The following CNTN5 variants were observed in gnomAD, a reference collection of about 807,000 sequenced individuals.
The protein encoded by CNTN5 is contactin 5.
Under a neutral mutation model 129.1 loss-of-function variants are expected in CNTN5, and 77 were observed. The observed-to-expected ratio is 0.60, with a 90% CI of 0.50 to 0.72. CNTN5 has a LOEUF of 0.72. Among genes scored for constraint, CNTN5 ranks in the 30% least tolerant of loss-of-function variants. The pLI, the probability that CNTN5 is intolerant of heterozygous loss-of-function variation, is 0.00. For synonymous variants in CNTN5, 509 were observed against 465.6 expected, an observed-to-expected ratio of 1.09 and a Z score of -1.20; for missense variants, 1,478 against 1,328.8, an observed-to-expected ratio of 1.11 and a Z score of -1.75.
chr11:99,177,211 C>T (rs773913262), intron 1 of CNTN5, among the ~76,000 whole-genome samples: 48 of 152,180 alleles, frequency 3.2e-4, no homozygotes, highest in Non-Finnish European at 6.3e-4. Context: ...ATCTTCACTA[C>T]TCAATACTTC....
rs1166515566 is a variant in CNTN5 at position 100,358,372 on chromosome 11, G to C, written c.*2152G>C. 6.6e-6 allele frequency: 1 copy of C among 151,826 alleles called. No homozygotes were observed. Among genetic ancestry groups the C allele is most frequent in the Non-Finnish European group, 1.5e-5 (1 of 67,826 alleles). 9.4% of individuals were successfully genotyped at this position (151,826 alleles called of 1,614,324 possible). ...ATCTGACAGAGTATTTACACATATA[G>C]AATGTCTGATGTATTCTTACAGGAA... On this transcript the variant is annotated 3_prime_UTR_variant, in exon 25 of 25. Coordinates refer to ENST00000524871, the MANE Select transcript of CNTN5 (RefSeq NM_014361.4).
chr11:99,871,716 TAAA>T (rs987832086), intron 6 of CNTN5, among the ~76,000 whole-genome samples: 45 of 152,160 alleles, frequency 3.0e-4, no homozygotes, highest in African/African-American at 9.9e-4. Flanking sequence ...CCACAAATTT[TAAA>T]AAAGCTGGAA....
intron 21 of CNTN5, among the ~76,000 whole-genome samples, chr11:100,317,372 G>A (rs1951591498): frequency 6.6e-6 from 1 of 152,150 alleles, no homozygotes; most frequent in Admixed American, 6.5e-5. Flanking sequence ...TTACCAGAAA[G>A]CTAACAAAGG....
intron 1 of CNTN5, among the ~76,000 whole-genome samples, chr11:99,265,686 A>G (rs766910746): frequency 8.5e-5 from 13 of 152,090 alleles, no homozygotes; most frequent in Middle Eastern, 3.4e-3. Flanking sequence ...CACCCAACTC[A>G]TATTTATATT....
chr11:100,037,922 C>T (rs975337872), intron 9 of CNTN5, among the ~76,000 whole-genome samples: 7 of 151,976 alleles, frequency 4.6e-5, no homozygotes, highest in African/African-American at 1.7e-4. Context: ...AAAACCAGCT[C>T]CTGGATTCAT....
intron 6 of CNTN5, among the ~76,000 whole-genome samples, chr11:99,863,375 A>T (rs1391556580): frequency 6.6e-6 from 1 of 152,130 alleles, no homozygotes; most frequent in African/African-American, 2.4e-5. Context: ...AGTCACGTCA[A>T]ATTCAGCTAA....
chr11:99,313,644 A>AAGGAATAT (rs1394670365), intron 1 of CNTN5, among the ~76,000 whole-genome samples: 1 of 152,094 alleles, frequency 6.6e-6, no homozygotes, highest in Non-Finnish European at 1.5e-5. Context: ...TGTACATTTC[A>AAGGAATAT]AGGAATATTT....
intron 1 of CNTN5, among the ~76,000 whole-genome samples, chr11:99,296,755 G>T (rs1344881173): frequency 6.6e-6 from 1 of 152,060 alleles, no homozygotes; most frequent in Admixed American, 6.5e-5. Context: ...TAATTAAGCT[G>T]GTTTTTAACC....
intron 13 of CNTN5, among the ~76,000 whole-genome samples, chr11:100,164,381 A>G (rs1474749528): frequency 6.6e-6 from 1 of 151,788 alleles, no homozygotes; most frequent in Non-Finnish European, 1.5e-5. Flanking sequence ...TTAAAATACA[A>G]TCTTATTAAA....
chr11:99,284,898 G>A (rs1591469346), intron 1 of CNTN5, among the ~76,000 whole-genome samples: 3 of 152,162 alleles, frequency 2.0e-5, no homozygotes, highest in Admixed American at 2.0e-4. Context: ...TGGAATTGAA[G>A]ATGACCTTCT....
intron 3 of CNTN5, among the ~76,000 whole-genome samples, chr11:99,773,248 G>A (rs543619940): frequency 5.0e-4 from 76 of 152,162 alleles, no homozygotes; most frequent in South Asian, 3.5e-3. Context: ...TTGGCCTGAG[G>A]AAAATTCTAG....
intron 3 of CNTN5, among the ~76,000 whole-genome samples, chr11:99,674,310 T>TC (rs1555072174): frequency 6.6e-6 from 1 of 151,590 alleles, no homozygotes; most frequent in Non-Finnish European, 1.5e-5. Context: ...GGTTTTTTTT[T>TC]CTTGTAAACA....
chr11:99,835,594 A>G (rs1422980063), intron 4 of CNTN5, among the ~76,000 whole-genome samples: 1 of 152,212 alleles, frequency 6.6e-6, no homozygotes, highest in Non-Finnish European at 1.5e-5. Flanking sequence ...CATACAACAT[A>G]AATGTGTACG....
chr11:99,656,953 A>C (rs1443842450), intron 3 of CNTN5, among the ~76,000 whole-genome samples: 1 of 152,102 alleles, frequency 6.6e-6, no homozygotes, highest in Non-Finnish European at 1.5e-5. Context: ...TTGAAAAAAA[A>C]AAATGTGTTT....
chr11:100,295,498 T>C (rs946666927), intron 18 of CNTN5, among the ~76,000 whole-genome samples: 3 of 151,472 alleles, frequency 2.0e-5, no homozygotes, highest in African/African-American at 7.3e-5. Flanking sequence ...AATTGGTAAA[T>C]TGTTTTTTTA....
chr11:100,060,215 T>TAA lies in CNTN5; in HGVS notation c.981-982_981-981dup, dbSNP rs201170131. ...AGCAAGACTCTGTCCCAAAAAATAT[T>TAA]AAAAAAAAAAAAAAAAGAAAAACCT... On this transcript the variant is annotated intron_variant, in intron 9 of 24. Transcript: ENST00000524871. Among the ~76,000 whole-genome samples the TAA allele has an allele frequency of 8.5e-4, 111 of 130,188 alleles. 1 individual carries two copies. In the East Asian group the frequency reaches 0.011, roughly 13 times the overall value. 85.4% of individuals were successfully genotyped at this position (130,188 alleles called of 152,430 possible). A position where few individuals can be genotyped will look rare whatever the true frequency, so the allele number is the denominator to read the frequency against.
intron 3 of CNTN5, among the ~76,000 whole-genome samples, chr11:99,700,357 T>C (rs763031373): frequency 2.6e-4 from 39 of 151,396 alleles, no homozygotes; most frequent in South Asian, 4.1e-4. Context: ...AAATGCTACG[T>C]TTATGAAATA....
chr11:99,384,213 T>G (rs1396762147), intron 2 of CNTN5, among the ~76,000 whole-genome samples: 1 of 152,204 alleles, frequency 6.6e-6, no homozygotes, highest in East Asian at 1.9e-4. Context: ...AGACACTGTT[T>G]GTACGGCCGT....
At chr11:100,271,969 T>C (rs539184743) in intron 18 of CNTN5, among the ~76,000 whole-genome samples, 116 of 152,334 alleles carry the variant, frequency 7.6e-4, no homozygotes, top group Middle Eastern at 6.8e-3. Flanking sequence ...CATTGAGGTC[T>C]TTTATGTCCC....
Sources: allele counts gnomAD v4.1 joint callset (sites outside exome capture counted in the v4.1 genomes callset), GRCh38; gene constraint gnomAD v4.1.1; transcripts MANE v1.5; gene names NCBI Gene and HGNC (gene_info 2026-07-23, HGNC 2026-07-21).